Variants in YEATS4 observed in about 807,000 individuals in gnomAD.
YEATS4 encodes YEATS domain containing 4, also known as YEATS domain-containing protein 4.
A neutral mutation model predicts 30.1 loss-of-function variants in YEATS4; 17 were observed. That is an observed-to-expected ratio of 0.56 (90% CI 0.39 to 0.85). The LOEUF is 0.85. Among genes scored for constraint, YEATS4 ranks in the 40% least tolerant of loss-of-function variants. The pLI is 0.00. For missense variants in YEATS4, 142 were observed against 268.3 expected, an observed-to-expected ratio of 0.53 and a Z score of 3.29; for synonymous variants, 85 against 87.5, an observed-to-expected ratio of 0.97 and a Z score of 0.16.
the YEATS4 span, among the ~76,000 whole-genome samples, chr12:69,405,957 T>C: frequency 6.6e-6 from 1 of 152,204 alleles, no homozygotes; most frequent in Admixed American, 6.5e-5. Context: ...TAGCTAACTT[T>C]GCAAATAAGC....
chr12:69,420,756 A>G, the YEATS4 span, among the ~76,000 whole-genome samples: 6 of 60,512 alleles, frequency 9.9e-5, no homozygotes, highest in Non-Finnish European at 3.1e-5. Flanking sequence ...ACAATAAAAA[A>G]CACACTGGGG....
chr12:69,390,193 G>GA lies in YEATS4; in HGVS notation c.568dup (p.Thr190AsnfsTer4). 6.3e-7 allele frequency: 1 copy of GA among 1,597,094 alleles called. No individual in the cohort carries two copies. Among genetic ancestry groups the GA allele is most frequent in the Non-Finnish European group, 8.5e-7 (1 of 1,175,954 alleles). On this transcript the variant is annotated frameshift_variant, in exon 7 of 7. Transcript: ENST00000247843. LOFTEE classifies it high-confidence loss of function. Reference sequence around the variant, plus strand: ...CCAGAGAAAAATTAGAAGCTGCTAAGAAAAAAACAAGCTTTGAGATTGCAG... The same window carrying GA: ...CCAGAGAAAAATTAGAAGCTGCTAAGAAAAAAAACAAGCTTTGAGATTGCAG...
chr12:69,398,437 T>TAAA, the YEATS4 span, among the ~76,000 whole-genome samples: 17 of 152,272 alleles, frequency 1.1e-4, no homozygotes, highest in South Asian at 3.5e-3. Context: ...ATAAAAATTT[T>TAAA]AAAAAAATTT....
chr12:69,403,924 C>T, the YEATS4 span, among the ~76,000 whole-genome samples: 30 of 152,128 alleles, frequency 2.0e-4, no homozygotes, highest in Non-Finnish European at 3.8e-4. Flanking sequence ...CTCTCTTTCA[C>T]CATGATTTTT....
the YEATS4 span, among the ~76,000 whole-genome samples, chr12:69,406,687 T>C: frequency 8.5e-5 from 13 of 152,254 alleles, no homozygotes; most frequent in African/African-American, 2.9e-4. Context: ...TAATATTATA[T>C]GTCATGAACT....
At chr12:69,374,577 C>T (rs1312749900) in intron 6 of YEATS4, among the ~76,000 whole-genome samples, 2 of 151,938 alleles carry the variant, frequency 1.3e-5, no homozygotes, top group Admixed American at 6.5e-5. Context: ...GTGTTTGTGT[C>T]CCTGGGTACT....
the YEATS4 span, among the ~76,000 whole-genome samples, chr12:69,416,029 G>A: frequency 6.6e-6 from 1 of 152,184 alleles, no homozygotes; most frequent in African/African-American, 2.4e-5. Context: ...TGTGAGAACT[G>A]AGCCATTACA....
At chr12:69,381,476 G>A (rs943773408) in intron 6 of YEATS4, among the ~76,000 whole-genome samples, 8 of 151,994 alleles carry the variant, frequency 5.3e-5, no homozygotes, top group Non-Finnish European at 1.0e-4. Flanking sequence ...TGCAGTTAAC[G>A]CAATCATCAC....
At chr12:69,368,545 A>G (rs1875524464) in intron 4 of YEATS4, among the ~76,000 whole-genome samples, 1 of 152,176 alleles carries the variant, frequency 6.6e-6, no homozygotes, top group African/African-American at 2.4e-5. Flanking sequence ...AGTTGTGCAC[A>G]TGGTTTTAAG....
the YEATS4 span, chr12:69,422,725 A>T: frequency 6.5e-6 from 1 of 153,312 alleles, no homozygotes; most frequent in African/African-American, 2.4e-5. Context: ...TGTTCCCTGT[A>T]CAACTGCACC....
chr12:69,362,650 A>G, intron 1 of YEATS4, 138 bp from the exon 2 acceptor site: 3 of 560,982 alleles, frequency 5.3e-6, no homozygotes, highest in Non-Finnish European at 8.5e-6. Context: ...TCTGAAATTG[A>G]TTTGAGAGAA....
intron 6 of YEATS4, among the ~76,000 whole-genome samples, chr12:69,371,276 TTC>T (rs371132951): frequency 1.3e-5 from 2 of 152,358 alleles, no homozygotes; most frequent in African/African-American, 4.8e-5. Context: ...GCCTATCATT[TTC>T]TGTTTACTAG....
At chr12:69,424,584 G>C in the YEATS4 span, among the ~76,000 whole-genome samples, 1 of 152,268 alleles carries the variant, frequency 6.6e-6, no homozygotes, top group South Asian at 2.1e-4. Context: ...TTGAGGGAGA[G>C]ACCTGGTGGG....
chr12:69,391,909 GT>G (rs1868319187), downstream of YEATS4, among the ~76,000 whole-genome samples: 1 of 152,200 alleles, frequency 6.6e-6, no homozygotes, highest in African/African-American at 2.4e-5. Flanking sequence ...TAAAGTCCAT[GT>G]AGGTAGGTCT....
At chr12:69,381,475 C>T (rs551387706) in intron 6 of YEATS4, among the ~76,000 whole-genome samples, 6 of 152,204 alleles carry the variant, frequency 3.9e-5, no homozygotes, top group South Asian at 2.1e-4. Context: ...GTGCAGTTAA[C>T]GCAATCATCA....
intron 6 of YEATS4, among the ~76,000 whole-genome samples, chr12:69,371,564 G>A (rs1875640774): frequency 6.6e-6 from 1 of 152,142 alleles, no homozygotes; most frequent in South Asian, 2.1e-4. Flanking sequence ...TGACATCCCT[G>A]TGTTAACACT....
intron 6 of YEATS4, among the ~76,000 whole-genome samples, chr12:69,385,664 T>A (rs1431632823): frequency 6.6e-6 from 1 of 152,190 alleles, no homozygotes; most frequent in Non-Finnish European, 1.5e-5. Context: ...TTTAATAGTA[T>A]TTTTATAGAG....
At chr12:69,399,380 A>C in the YEATS4 span, among the ~76,000 whole-genome samples, 1 of 152,226 alleles carries the variant, frequency 6.6e-6, no homozygotes, top group African/African-American at 2.4e-5. Flanking sequence ...AAGATATTCA[A>C]ATGGCCAATA....
intron 2 of YEATS4, among the ~76,000 whole-genome samples, chr12:69,363,693 G>A (rs1021468416): frequency 2.0e-5 from 3 of 152,160 alleles, no homozygotes; most frequent in Non-Finnish European, 4.4e-5. Context: ...GATATTTATT[G>A]AGTGAGTAAA....
Sources: gnomAD v4.1 joint callset for allele counts (sites outside exome capture counted in the v4.1 genomes callset) on GRCh38, gnomAD v4.1.1 for gene constraint, MANE v1.5 for transcripts, NCBI Gene and HGNC (gene_info 2026-07-23, HGNC 2026-07-21) for gene names.